Variants in H2BW1 observed in about 807,000 individuals in gnomAD.
H2BW1 encodes the protein H2B.W histone 1, also known as histone H2B type W-T.
H2BW1 carries 9 observed loss-of-function variants against 8.0 expected under a neutral mutation model. The observed-to-expected ratio is 1.13, with a 90% CI of 0.68 to 1.97. H2BW1 has a LOEUF of 1.97. Ranked by LOEUF, H2BW1 falls within the 30% of genes most tolerant of loss-of-function variation. H2BW1 has a pLI of 0.00. For missense variants in H2BW1, 137 were observed against 132.0 expected, an observed-to-expected ratio of 1.04 and a Z score of -0.19; for synonymous variants, 58 against 54.7, an observed-to-expected ratio of 1.06 and a Z score of -0.26.
chrX:104,013,134 G>T, intron 1 of H2BW1, 36 bp downstream of exon 1: 1 of 1,172,460 alleles, frequency 8.5e-7, no homozygotes, highest in Non-Finnish European at 1.1e-6. Context: ...GTGGTGCTCG[G>T]GTGCTCCTGA....
Position 104,013,499 on chromosome X carries a change from C to G in H2BW1, c.78G>C (p.Thr26=). The G allele has an allele frequency of 5.0e-6, 6 of 1,211,836 alleles. No individual in the cohort carries two copies. Among genetic ancestry groups the G allele is most frequent in the Non-Finnish European group, 6.7e-6 (6 of 895,515 alleles). ...TCCTCTGCTTGCTCTGCTTCTGGGA[C>G]GTAGTGGAGTTGGCCTCTTTGGGCT... is the stretch of plus-strand genomic sequence containing the variant. ...TQEPKEANST[T]SQKQSKQRKR... is the part of the protein sequence containing the mutation. The change falls in exon 1 of 3, where the codon ACG becomes ACC. Residue 26 remains threonine (T), a synonymous_variant. Transcript: ENST00000217926.
At position 104,012,662 on chromosome X, in the gene H2BW1, C is replaced by T. The variant is rs1210096145; in HGVS notation, c.*22+28G>A. 1.3e-5 allele frequency: 16 copies of T among 1,208,053 alleles called. No homozygotes were observed. In the South Asian group the frequency reaches 1.6e-4, roughly 12 times the overall value. On this transcript the variant is annotated intron_variant, in intron 2 of 2. Transcript: ENST00000217926. The stretch of plus-strand genomic sequence containing the variant: ...TATTTACATGGATTCGTGATGGGAG[C>T]GGTGTTGAAAACATTTAGGAGGGTT...
intron 1 of H2BW1, 79 bp downstream of exon 1, chrX:104,013,091 T>C (rs1556337629): frequency 8.9e-7 from 1 of 1,124,102 alleles, no homozygotes; most frequent in Non-Finnish European, 1.2e-6. Flanking sequence ...TCAGGCCACA[T>C]TCAGTGGCTC....
At position 104,012,755 on chromosome X, in the gene H2BW1, A is replaced by G. The variant is rs141660196; in HGVS notation, c.408-7T>C. On this transcript the variant is annotated splice_polypyrimidine_tract_variant and splice_region_variant and intron_variant, in intron 1 of 2. Coordinates refer to ENST00000217926, the MANE Select transcript of H2BW1 (RefSeq NM_001002916.5). ...TATGGCATACAGTGAAGTTCTGGAA[A>G]ATTCCACCATCCAGTCACAGGAGAA... is the stretch of plus-strand genomic sequence containing the variant. 1.1e-3 allele frequency: 1,361 copies of G among 1,210,139 alleles called. 18 individuals carry two copies. In the East Asian group the frequency reaches 0.031, roughly 28 times the overall value.
At chrX:104,012,560 C>A in intron 2 of H2BW1, 130 bp downstream of exon 2, 2 of 1,010,355 alleles carry the variant, frequency 2.0e-6, no homozygotes, top group South Asian at 2.5e-5. Flanking sequence ...ATCTCAGAGT[C>A]GAGGAAGCTG....
intron 2 of H2BW1, among the ~76,000 whole-genome samples, chrX:104,011,906 G>A: frequency 9.0e-6 from 1 of 111,194 alleles, no homozygotes. Context: ...AATTCCTATG[G>A]GTCGCAATCC....
chrX:104,012,896 G>A, intron 1 of H2BW1, 148 bp from the exon 2 acceptor site: 1 of 940,960 alleles, frequency 1.1e-6, no homozygotes, highest in Admixed American at 2.8e-5. Context: ...CACGATCACG[G>A]AAACACCCAC....
At chrX:104,013,147 G>T (rs2147838751) in intron 1 of H2BW1, 23 bp downstream of exon 1, 1 of 1,184,084 alleles carries the variant, frequency 8.4e-7, no homozygotes, top group Non-Finnish European at 1.1e-6. Flanking sequence ...GCTCCTGAGG[G>T]AGCGCACTTG....
Position 104,013,569 on chromosome X carries a change from C to T in H2BW1, c.8G>A (p.Gly3Glu). The T allele has an allele frequency of 1.7e-6, 2 of 1,211,864 alleles. No individual in the cohort carries two copies. Among genetic ancestry groups the T allele is most frequent in the Non-Finnish European group, 2.2e-6 (2 of 895,517 alleles). Residue 3 changes from glycine to glutamate, a missense_variant, in exon 1 of 3, where the codon GGA becomes GAA. Coordinates refer to ENST00000217926, the MANE Select transcript of H2BW1 (RefSeq NM_001002916.5). ...CTCAGAGGTCGTCTCAGAGGAAGGT[C>T]CAGCCATGGCGGAGGCAGTGGCCAT... MA[G>E]PSSETTSEEQ... is the part of the protein sequence containing the mutation.
At chrX:104,012,657 G>A in intron 2 of H2BW1, 33 bp downstream of exon 2, 2 of 1,209,295 alleles carry the variant, frequency 1.7e-6, no homozygotes, top group South Asian at 1.8e-5. Context: ...GATTCGTGAT[G>A]GGAGCGGTGT....
chrX:104,012,652 G>A (rs1440900055), intron 2 of H2BW1, 38 bp downstream of exon 2: 19 of 1,208,753 alleles, frequency 1.6e-5, no homozygotes, highest in East Asian at 5.9e-5. Context: ...ACATGGATTC[G>A]TGATGGGAGC....
intron 2 of H2BW1, 113 bp downstream of exon 2, chrX:104,012,577 G>A: frequency 9.2e-7 from 1 of 1,088,876 alleles, no homozygotes; most frequent in Non-Finnish European, 1.2e-6. Context: ...GCTGGAAAAT[G>A]AACGGATTCT....
Position 104,013,377 on chromosome X carries a change from C to A in H2BW1, c.200G>T (p.Gly67Val). The A allele has an allele frequency of 8.2e-7, 1 of 1,212,289 alleles. No homozygotes were observed. The highest frequency in any genetic ancestry group is 1.8e-5 in the South Asian group (1 of 57,018). Residue 67 changes from glycine to valine, a missense_variant, in exon 1 of 3, where the codon GGC (glycine) becomes GTC (valine). By Grantham distance (109) the Gly-to-Val change is moderately radical. Coordinates refer to ENST00000217926, the MANE Select transcript of H2BW1 (RefSeq NM_001002916.5). ...FRRVLKQVHQ[G>V]LSLSREAVSV... is the part of the protein sequence containing the mutation. ...CACGGCCTCCCGGGAAAGGCTGAGG[C>A]CCTGGTGAACCTGCTTCAGCACCCG...
intron 1 of H2BW1, 24 bp downstream of exon 1, chrX:104,013,146 G>A: frequency 8.5e-6 from 10 of 1,183,391 alleles, no homozygotes; most frequent in Non-Finnish European, 1.1e-5. Context: ...TGCTCCTGAG[G>A]GAGCGCACTT....
intron 1 of H2BW1, among the ~76,000 whole-genome samples, 155 bp downstream of exon 1, chrX:104,013,015 C>T (rs1477969297): frequency 8.9e-6 from 1 of 112,397 alleles, no homozygotes; most frequent in Admixed American, 9.3e-5. Context: ...CACATGCCCC[C>T]CAAGTCGGAA....
chrX:104,012,082 C>G (rs782007452), intron 2 of H2BW1, among the ~76,000 whole-genome samples: 1 of 111,829 alleles, frequency 8.9e-6, no homozygotes, highest in African/African-American at 3.3e-5. Flanking sequence ...GAAAGCTAAC[C>G]TATATTAACA....
In H2BW1 at chrX:104,011,397, T is replaced by G. The variant is rs1177129261; in HGVS notation, c.*89A>C. Reference sequence around the variant, plus strand: ...TAGTTGTGGCTGATTTCGTGGGGGGTTTTTCTTGGTCTCCTTGTGCAGTGA... The same window carrying G: ...TAGTTGTGGCTGATTTCGTGGGGGGGTTTTCTTGGTCTCCTTGTGCAGTGA... On this transcript the variant is annotated 3_prime_UTR_variant, in exon 3 of 3. Coordinates refer to ENST00000217926, the MANE Select transcript of H2BW1 (RefSeq NM_001002916.5). 4.5e-5 allele frequency: 5 copies of G among 110,883 alleles called. No individual in the cohort carries two copies. Among genetic ancestry groups the G allele is most frequent in the Non-Finnish European group, 9.4e-5 (5 of 52,917 alleles). The allele number at this position is 110,883 out of a possible 1,213,427, so 9.1% of individuals were successfully genotyped here. A position where few individuals can be genotyped will look rare whatever the true frequency, so the allele number is the denominator to read the frequency against.
At position 104,013,354 on chromosome X, in the gene H2BW1, C is replaced by T. The variant is rs202086582; in HGVS notation, c.223G>A (p.Val75Met). ...HQGLSLSREAVSVMDSLVHDI... is the reference protein window; with the variant it reads ...HQGLSLSREAMSVMDSLVHDI... ...TGAACCAAAGAATCCATGACACTCA[C>T]GGCCTCCCGGGAAAGGCTGAGGCCC... The change falls in exon 1 of 3, where the codon GTG becomes ATG. Residue 75 changes from valine to methionine, a missense_variant. Coordinates refer to ENST00000217926, the MANE Select transcript of H2BW1 (RefSeq NM_001002916.5). 1.1e-4 allele frequency: 139 copies of T among 1,210,801 alleles called. No homozygotes were observed. The highest frequency in any genetic ancestry group is 4.7e-4 in the Middle Eastern group (2 of 4,226).
rs1377645813 is a variant in H2BW1 at position 104,012,708 on chromosome X, G to A, written c.*4C>T. 4.1e-6 allele frequency: 5 copies of A among 1,209,773 alleles called. No homozygotes were observed. The East Asian group carries it at 8.9e-5, about 21-fold the overall frequency. Reference sequence around the variant, plus strand: ...GGGTTACCTTGCTTCTTGTATCAGCGTATTCACTTTCTCTGTTGCTGTATG... The same window carrying A: ...GGGTTACCTTGCTTCTTGTATCAGCATATTCACTTTCTCTGTTGCTGTATG... On this transcript the variant is annotated 3_prime_UTR_variant, in exon 2 of 3. Transcript: ENST00000217926.
Sources: allele counts gnomAD v4.1 joint callset (sites outside exome capture counted in the v4.1 genomes callset), GRCh38; gene constraint gnomAD v4.1.1; transcripts MANE v1.5; gene names NCBI Gene and HGNC (gene_info 2026-07-23, HGNC 2026-07-21).